The following TMED3 variants were observed in gnomAD, a reference collection of about 807,000 sequenced individuals.
TMED3 encodes transmembrane emp24 domain-containing protein 3.
TMED3 carries 9 observed loss-of-function variants against 15.0 expected under a neutral mutation model. The ratio of observed to expected loss-of-function variants is 0.60; its 90% confidence interval spans 0.36 to 1.04. TMED3 has a LOEUF of 1.04. TMED3 is among the 50% of genes least tolerant of loss of function. The pLI is 0.01. For synonymous variants in TMED3, 117 were observed against 121.4 expected (o/e 0.96, Z 0.24); for missense variants, 267 against 278.9 (o/e 0.96, Z 0.30).
downstream of TMED3, among the ~76,000 whole-genome samples, chr15:79,326,882 G>T (rs1020555705): frequency 6.6e-6 from 1 of 152,138 alleles, no homozygotes; most frequent in Admixed American, 6.5e-5. Flanking sequence ...AAGAAAAAAT[G>T]GTTTATTTGG....
At chr15:79,334,689 G>A (rs764460394) in intron 2 of TMED3, among the ~76,000 whole-genome samples, 13 of 152,080 alleles carry the variant, frequency 8.5e-5, no homozygotes, top group Admixed American at 2.6e-4. Flanking sequence ...CCAGGATCAC[G>A]GCAAAGTAAC....
intron 2 of TMED3, among the ~76,000 whole-genome samples, chr15:79,408,661 G>C (rs1199877522): frequency 1.3e-5 from 2 of 152,126 alleles, no homozygotes; most frequent in African/African-American, 4.8e-5. Flanking sequence ...CAGAAACCCA[G>C]GGTCCAGATC....
At chr15:79,383,102 G>T (rs549975476) in intron 2 of TMED3, 11 of 1,386,958 alleles carry the variant, frequency 7.9e-6, no homozygotes, top group Non-Finnish European at 1.1e-5. Flanking sequence ...CCTGTAGATC[G>T]CCAGGTACCC....
chr15:79,383,324 GAGAAA>G (rs1292534278), intron 2 of TMED3: 1 of 355,850 alleles, frequency 2.8e-6, no homozygotes, highest in Non-Finnish European at 5.1e-6. Context: ...CCCTTAGATG[GAGAAA>G]AGAAATGTAT....
At chr15:79,345,175 G>A (rs972552593) in intron 2 of TMED3, among the ~76,000 whole-genome samples, 1 of 152,080 alleles carries the variant, frequency 6.6e-6, no homozygotes, top group Admixed American at 6.5e-5. Context: ...TTTAAGTTCA[G>A]GGGTACATGT....
rs982451497 is a variant in TMED3 at position 79,321,485 on chromosome 15, C to T, written c.418-493C>T. ...TTGTGTTTATACATAAAACTATAGG[C>T]AGCAATTACATAATAGAATGAGCAT... On this transcript the variant is annotated intron_variant, in intron 2 of 2. Transcript: ENST00000299705. 4.6e-5 allele frequency among the ~76,000 whole-genome samples: 7 copies of T among 152,282 alleles called. No individual in the cohort carries two copies. In the South Asian group the frequency reaches 1.0e-3, roughly 23 times the overall value.
intron 2 of TMED3, among the ~76,000 whole-genome samples, chr15:79,361,402 TA>T (rs1345784068): frequency 6.6e-6 from 1 of 152,196 alleles, no homozygotes; most frequent in Non-Finnish European, 1.5e-5. Flanking sequence ...GATGGAACAC[TA>T]CTCAGCCATA....
At chr15:79,351,501 T>C (rs976276336) in intron 2 of TMED3, among the ~76,000 whole-genome samples, 2 of 152,216 alleles carry the variant, frequency 1.3e-5, no homozygotes, top group South Asian at 4.1e-4. Flanking sequence ...TAAAATACTT[T>C]GTAAAATAAA....
At chr15:79,397,869 A>C (rs1330685078) in intron 2 of TMED3, among the ~76,000 whole-genome samples, 3 of 152,202 alleles carry the variant, frequency 2.0e-5, no homozygotes, top group Non-Finnish European at 4.4e-5. Context: ...AAATTGAATG[A>C]AAAATACAGT....
chr15:79,386,614 A>AT (rs1254371146), intron 2 of TMED3, among the ~76,000 whole-genome samples: 1 of 151,638 alleles, frequency 6.6e-6, no homozygotes, highest in Non-Finnish European at 1.5e-5. Context: ...ATCTCAGCTC[A>AT]TTGCAACCTC....
Position 79,321,959 on chromosome 15 carries a change from C to G in TMED3, c.418-19C>G. 6.2e-7 allele frequency: 1 copy of G among 1,611,596 alleles called. No individual in the cohort carries two copies. Among genetic ancestry groups the G allele is most frequent in the East Asian group, 2.2e-5 (1 of 44,828 alleles). On this transcript the variant is annotated intron_variant, in intron 2 of 2. Coordinates refer to ENST00000299705, the MANE Select transcript of TMED3 (RefSeq NM_007364.4). ...TGTCTATGGGTTAGCAGTGTGACTG[C>G]TTTTCTCTTCCTGCCCAGATGGAGT...
chr15:79,377,634 A>T (rs1313276407), intron 2 of TMED3, among the ~76,000 whole-genome samples: 1 of 151,446 alleles, frequency 6.6e-6, no homozygotes, highest in Non-Finnish European at 1.5e-5. Context: ...TTGCATATGA[A>T]CAAACCGTTC....
At chr15:79,352,941 TATATA>T (rs956816696) in intron 2 of TMED3, among the ~76,000 whole-genome samples, 10 of 120,440 alleles carry the variant, frequency 8.3e-5, no homozygotes, top group East Asian at 4.6e-4. Context: ...TATATATACA[TATATA>T]ATATATGTAA....
chr15:79,376,173 G>A (rs894066071), intron 2 of TMED3, among the ~76,000 whole-genome samples: 1 of 139,526 alleles, frequency 7.2e-6, no homozygotes, highest in Non-Finnish European at 1.5e-5. Context: ...GCAGTGGCGC[G>A]ATCTCGGCTC....
intron 2 of TMED3, among the ~76,000 whole-genome samples, chr15:79,377,936 G>A (rs896181760): frequency 7.2e-5 from 11 of 152,216 alleles, no homozygotes; most frequent in Admixed American, 2.6e-4. Context: ...GTGAGCCACC[G>A]CGCCCGGCTG....
In TMED3 at chr15:79,333,974, T is replaced by C. The variant is rs1464238827; in HGVS notation, c.417+19969T>C. The stretch of plus-strand genomic sequence containing the variant: ...ACATATCCTCCTAAGCATTTGTGGT[T>C]TGATAAGATTATCACAAATCCAGAG... On this transcript the variant is annotated intron_variant, in intron 2 of 2. Transcript: ENST00000424155. 2.0e-5 allele frequency among the ~76,000 whole-genome samples: 3 copies of C among 152,202 alleles called. No homozygotes were observed. The East Asian group carries it at 5.8e-4, about 29-fold the overall frequency.
At chr15:79,329,055 A>G (rs2058797920) in intron 2 of TMED3, among the ~76,000 whole-genome samples, 1 of 152,222 alleles carries the variant, frequency 6.6e-6, no homozygotes, top group African/African-American at 2.4e-5. Flanking sequence ...GTGGTGGATT[A>G]AAAACTAAGG....
downstream of TMED3, among the ~76,000 whole-genome samples, chr15:79,323,554 C>G (rs933583847): frequency 6.6e-6 from 1 of 152,096 alleles, no homozygotes; most frequent in Non-Finnish European, 1.5e-5. Context: ...AAAAACAATA[C>G]AAAAATCCTA....
At chr15:79,356,075 T>G (rs1282706588) in intron 2 of TMED3, among the ~76,000 whole-genome samples, 1 of 125,032 alleles carries the variant, frequency 8.0e-6, no homozygotes, top group Non-Finnish European at 1.8e-5. Flanking sequence ...ACATTCTGAT[T>G]GTCTGTTTGC....
Sources: gnomAD v4.1 joint callset for allele counts (sites outside exome capture counted in the v4.1 genomes callset) on GRCh38, gnomAD v4.1.1 for gene constraint, MANE v1.5 for transcripts, NCBI Gene and HGNC (gene_info 2026-07-23, HGNC 2026-07-21) for gene names.